Variants in CDHR5 observed in about 807,000 individuals in gnomAD.
The protein encoded by CDHR5 is cadherin related family member 5.
In CDHR5, 82 loss-of-function variants were observed where a neutral mutation model predicts 69.5. The ratio of observed to expected loss-of-function variants is 1.18; its 90% CI spans 0.99 to 1.42. The LOEUF (loss-of-function observed/expected upper bound fraction) is 1.42, where lower values mean the gene tolerates loss of function less well. CDHR5 is among the 40% of genes most tolerant of loss of function. CDHR5 has a pLI of 0.00. For synonymous variants in CDHR5, 601 were observed against 510.2 expected, an observed-to-expected ratio of 1.18 and a Z score of -2.40; for missense variants, 1,293 against 1,168.9, an observed-to-expected ratio of 1.11 and a Z score of -1.55.
chr11:620,477 G>T, intron 7 of CDHR5, 91 bp from the exon 8 acceptor site: 1 of 870,304 alleles, frequency 1.1e-6, no homozygotes, highest in Non-Finnish European at 1.8e-6. Flanking sequence ...GGGCAGGGTT[G>T]GCTGAGGAGG....
Position 619,591 on chromosome 11 carries a change from G to A in CDHR5, c.1180-4C>T, listed in dbSNP as rs1207365581. Reference sequence around the variant, plus strand: ...ATGTGATGGCCGAGTTGAGGTCCTGGACAGGGTCTCATTGAGTCCCCGGCC... The same window carrying A: ...ATGTGATGGCCGAGTTGAGGTCCTGAACAGGGTCTCATTGAGTCCCCGGCC... On this transcript the variant is annotated splice_region_variant and splice_polypyrimidine_tract_variant and intron_variant, in intron 10 of 14. Coordinates refer to ENST00000397542, the MANE Select transcript of CDHR5 (RefSeq NM_021924.5). The A allele has an allele frequency of 1.2e-6, 2 of 1,610,428 alleles. No homozygotes were observed. Among genetic ancestry groups the A allele is most frequent in the Non-Finnish European group, 8.5e-7 (1 of 1,176,784 alleles).
Position 618,607 on chromosome 11 carries a change from G to A in CDHR5, c.1952C>T (p.Pro651Leu). ...AACAGAGTGGGTGCTACCTGAAGAT[G>A]GGGTGCTCTTGCTGAGGGGCATCGG... ...SQPMPLSKSTPSSGGGPSEDK... is the reference protein window; with the variant it reads ...SQPMPLSKSTLSSGGGPSEDK... The change falls in exon 13 of 15, where the codon CCA becomes CTA. Residue 651 changes from proline (P) to leucine (L), a missense_variant. Transcript: ENST00000397542. 1 of 1,613,984 alleles carries A rather than the reference G, an allele frequency of 6.2e-7. No homozygotes were observed. Among genetic ancestry groups the A allele is most frequent in the Admixed American group, 1.7e-5 (1 of 60,026 alleles).
rs909287722 is a variant in CDHR5 at position 617,215 on chromosome 11, C to A, written c.*136G>T. 3.0e-5 allele frequency: 20 copies of A among 670,528 alleles called. No individual in the cohort carries two copies. In the Admixed American group the frequency reaches 5.7e-4, roughly 19 times the overall value. The allele number at this position is 670,528 out of a possible 1,614,324, so 41.5% of individuals were successfully genotyped here. A position where few individuals can be genotyped will look rare whatever the true frequency, so the allele number is the denominator to read the frequency against. On this transcript the variant is annotated 3_prime_UTR_variant, in exon 15 of 15. Transcript: ENST00000397542. The stretch of plus-strand genomic sequence containing the variant: ...ACGACAGGGGACTGAGTGAATGGGA[C>A]CCCCATGGACCCGCGCGCCTGCCCC...
In CDHR5 at chr11:617,780, G is replaced by A. The variant is rs12385783; in HGVS notation, c.2119-10C>T. 0.025 allele frequency: 36,279 copies of A among 1,449,416 alleles called. 515 individuals are homozygous for A. Among genetic ancestry groups the A allele is most frequent in the South Asian group, 0.033 (2,266 of 68,982 alleles). The allele number at this position is 1,449,416 out of a possible 1,614,324, so 89.8% of individuals were successfully genotyped here. On this transcript the variant is annotated splice_polypyrimidine_tract_variant and intron_variant, in intron 14 of 14. Transcript: ENST00000397542. Reference sequence around the variant, plus strand: ...CTTGGGGCTGGGGCTCCTGCAGGCGGGAGTCGAGGCGTCAGCGGGGTCCCT... The same window carrying A: ...CTTGGGGCTGGGGCTCCTGCAGGCGAGAGTCGAGGCGTCAGCGGGGTCCCT...
intron 3 of CDHR5, among the ~76,000 whole-genome samples, chr11:622,719 A>G (rs1010506324): frequency 2.7e-5 from 4 of 147,936 alleles, no homozygotes; most frequent in African/African-American, 7.5e-5. Flanking sequence ...CAGGTGATCT[A>G]CCCGCCTCGG....
chr11:616,948 G>GT lies in CDHR5; in HGVS notation c.*402_*403insA. 3 of 215,830 alleles carry GT rather than the reference G, an allele frequency of 1.4e-5. No homozygotes were observed. The highest frequency in any genetic ancestry group is 1.9e-4 in the South Asian group (2 of 10,358). The allele number at this position is 215,830 out of a possible 1,614,324, so 13.4% of individuals were successfully genotyped here. ...GCCTCCCCAGGCAATCTCTGTGTAG[G>GT]GTCGGGAGCGGGAGGTCTGAGATGA... On this transcript the variant is annotated 3_prime_UTR_variant, in exon 15 of 15. Transcript: ENST00000397542.
intron 13 of CDHR5, 103 bp from the exon 14 acceptor site, chr11:618,214 G>C (rs1473238755): frequency 4.1e-6 from 4 of 978,920 alleles, no homozygotes; most frequent in Non-Finnish European, 3.0e-6. Context: ...GTTCCACCCA[G>C]GCCTGGGCTG....
In CDHR5 at chr11:618,031, G is replaced by A. The variant is rs759140827; in HGVS notation, c.2041C>T (p.Leu681=). Reference sequence around the variant, plus strand: ...AGGACGGCGAGGCCAAGGAGAGCCAGCAGCAGCAGCGCACCCAGCACCCCG... The same window carrying A: ...AGGACGGCGAGGCCAAGGAGAGCCAACAGCAGCAGCGCACCCAGCACCCCG... ...LGGVLGALLL[L]ALLGLAVLVH... Residue 681 remains leucine, a synonymous_variant, in exon 14 of 15, where the codon CTG becomes TTG. Transcript: ENST00000397542. The A allele has an allele frequency of 6.3e-6, 10 of 1,598,906 alleles. No individual in the cohort carries two copies. The highest frequency in any genetic ancestry group is 1.7e-4 in the Middle Eastern group (1 of 6,020).
rs745823857 is a variant in CDHR5 at position 619,646 on chromosome 11, ACCCACAGAGGGGAGGCCTTGGATG to A, written c.1179+11_1179+34del. 4.3e-6 allele frequency: 7 copies of A among 1,609,536 alleles called. No individual in the cohort carries two copies. Among genetic ancestry groups the A allele is most frequent in the Non-Finnish European group, 5.9e-6 (7 of 1,176,542 alleles). ...TGCCTCCCACGTACAGCCCTGACCC[ACCCACAGAGGGGAGGCCTTGGATG>A]CACTCTCTACCGAGAACTCCGGGTC... is the stretch of plus-strand genomic sequence containing the variant. On this transcript the variant is annotated intron_variant, in intron 10 of 14. Coordinates refer to ENST00000397542, the MANE Select transcript of CDHR5 (RefSeq NM_021924.5).
intron 9 of CDHR5, 23 bp downstream of exon 9, chr11:620,044 C>A: frequency 6.4e-7 from 1 of 1,562,754 alleles, no homozygotes; most frequent in East Asian, 2.3e-5. Flanking sequence ...CTGCCCTGCC[C>A]CCCATGCAGG....
At position 621,723 on chromosome 11, in the gene CDHR5, G is replaced by T; in HGVS notation, c.406-60C>A. 6.4e-7 allele frequency: 1 copy of T among 1,550,978 alleles called. No homozygotes were observed. Among genetic ancestry groups the T allele is most frequent in the Admixed American group, 1.7e-5 (1 of 59,812 alleles). ...CTTGGCCCCTGTGGACCCCCACTGT[G>T]GTTGAGCCCCCGGCCACCACTCACC... On this transcript the variant is annotated intron_variant, in intron 4 of 14. Transcript: ENST00000397542. The surrounding 1 kb of genome is among the most constrained non-coding windows in gnomAD (Gnocchi z 4.4).
chr11:620,565 C>T (rs1257918193), intron 7 of CDHR5, among the ~76,000 whole-genome samples, 179 bp from the exon 8 acceptor site: 1 of 152,150 alleles, frequency 6.6e-6, no homozygotes, highest in Non-Finnish European at 1.5e-5. Context: ...TCAGTAACAC[C>T]CCTGTGGGTC....
At position 621,764 on chromosome 11, in the gene CDHR5, G is replaced by A. The variant is rs1857414184; in HGVS notation, c.405+48C>T. On this transcript the variant is annotated intron_variant, in intron 4 of 14. Transcript: ENST00000397542. This position sits in a 1 kb window ranked among gnomAD's most constrained non-coding sequence, Gnocchi z 4.4. ...ACCACTCACCTCCTGCCCTCACCCTGGGCTCCCACACCCCCGTGCCCAGTC... is the reference window on the plus strand; with the variant it reads ...ACCACTCACCTCCTGCCCTCACCCTAGGCTCCCACACCCCCGTGCCCAGTC... 3.2e-6 allele frequency: 5 copies of A among 1,576,090 alleles called. No individual in the cohort carries two copies. The highest frequency in any genetic ancestry group is 3.3e-5 in the Admixed American group (2 of 59,736).
rs1020647365 is a variant in CDHR5, at chr11:621,009, A to G, written c.789+71T>C. 4.9e-5 allele frequency: 43 copies of G among 873,420 alleles called. No individual in the cohort carries two copies. Among genetic ancestry groups the G allele is most frequent in the East Asian group, 4.2e-4 (14 of 33,566 alleles). The allele number at this position is 873,420 out of a possible 1,614,324, so 54.1% of individuals were successfully genotyped here. ...CCCCGACCCCGCCCTTCCTCTCCTGATCCTGGCCGTCCCTGTGTCCAGCCT... is the reference window on the plus strand; with the variant it reads ...CCCCGACCCCGCCCTTCCTCTCCTGGTCCTGGCCGTCCCTGTGTCCAGCCT... On this transcript the variant is annotated intron_variant, in intron 7 of 14. Transcript: ENST00000397542. The surrounding 1 kb of genome is among the most constrained non-coding windows in gnomAD (Gnocchi z 4.4).
rs1338685469 is a variant in CDHR5, at chr11:617,651, C to T, written c.2238G>A (p.Glu746=). Residue 746 remains glutamate (E), a synonymous_variant, in exon 15 of 15, where the codon GAG becomes GAA. Coordinates refer to ENST00000397542, the MANE Select transcript of CDHR5 (RefSeq NM_021924.5). ...GGGAGGCAGGGCCGGGGGGTGCGGGCTCTGCGGGCATCGGTGCCTCCGCGG... is the reference window on the plus strand; with the variant it reads ...GGGAGGCAGGGCCGGGGGGTGCGGGTTCTGCGGGCATCGGTGCCTCCGCGG... ...PKPAEAPMPA[E]PAPPGPASPG... The T allele has an allele frequency of 1.0e-5, 16 of 1,539,028 alleles. No homozygotes were observed. Among genetic ancestry groups the T allele is most frequent in the Non-Finnish European group, 1.4e-5 (16 of 1,146,286 alleles).
At chr11:622,281 C>T (rs1857458710) in intron 3 of CDHR5, among the ~76,000 whole-genome samples, 1 of 152,234 alleles carries the variant, frequency 6.6e-6, no homozygotes, top group African/African-American at 2.4e-5. Context: ...GGTGCCTGTC[C>T]TGGCAGGACT....
In CDHR5 at chr11:624,554, C is replaced by T. The variant is rs750650722; in HGVS notation, c.261+3G>A. 6 of 1,605,688 alleles carry T rather than the reference C, an allele frequency of 3.7e-6. No homozygotes were observed. The highest frequency in any genetic ancestry group is 5.1e-6 in the Non-Finnish European group (6 of 1,174,376). ...CCATATCCCGCCCGCCTGCCGCCCA[C>T]ACCTCGTAATCAGGAGTCACGTTGA... On this transcript the variant is annotated splice_donor_region_variant and intron_variant, in intron 2 of 14. Coordinates refer to ENST00000397542, the MANE Select transcript of CDHR5 (RefSeq NM_021924.5). The surrounding 1 kb of genome is among the most constrained non-coding windows in gnomAD (Gnocchi z 5.3).
chr11:623,790 C>A (rs1192197574), intron 3 of CDHR5, among the ~76,000 whole-genome samples: 3 of 152,008 alleles, frequency 2.0e-5, no homozygotes. Flanking sequence ...AAAATGAGTG[C>A]TGGTGTCCCG....
In CDHR5 at chr11:617,959, C is replaced by T. The variant is rs1857074130; in HGVS notation, c.2113G>A (p.Ala705Thr). The change falls in exon 14 of 15, where the codon GCT becomes ACT. Residue 705 changes from alanine to threonine, a missense_variant. Transcript: ENST00000397542. ...TTCTCCATCCTGGGCCTCACCGGAG[C>T]TTTGCCACAGCAGCACTTGAGCCGG... is the stretch of plus-strand genomic sequence containing the variant. ...GPRLKCCCGK[A>T]PEPQPQGFDN... 5.0e-6 allele frequency: 8 copies of T among 1,611,332 alleles called. No homozygotes were observed. Among genetic ancestry groups the T allele is most frequent in the Non-Finnish European group, 6.8e-6 (8 of 1,179,546 alleles).
Sources: allele counts gnomAD v4.1 joint callset (sites outside exome capture counted in the v4.1 genomes callset), GRCh38; gene constraint gnomAD v4.1.1; non-coding constraint Gnocchi (gnomAD v3.1); transcripts MANE v1.5; gene names NCBI Gene and HGNC (gene_info 2026-07-23, HGNC 2026-07-21).